Variants in DMD observed in about 807,000 individuals in gnomAD.
DMD encodes dystrophin.
DMD carries 63 observed loss-of-function variants against 330.1 expected under a neutral mutation model. That is an observed-to-expected ratio of 0.19 (90% CI 0.16 to 0.24). DMD has a LOEUF of 0.24. Ranked by LOEUF, DMD falls within the 10% of genes least tolerant of loss-of-function variation. The probability of loss-of-function intolerance (pLI) is 1.00; values close to 1 mark genes in which losing one functional copy is unlikely to be tolerated. For synonymous variants in DMD, 1,223 were observed against 959.8 expected, an observed-to-expected ratio of 1.27 and a Z score of -5.07; for missense variants, 3,344 against 2,684.1, an observed-to-expected ratio of 1.25 and a Z score of -5.43.
chrX:32,886,099 C>T (rs983983782), intron 2 of DMD, among the ~76,000 whole-genome samples: 1 of 111,278 alleles, frequency 9.0e-6, no homozygotes, highest in Non-Finnish European at 1.9e-5. Flanking sequence ...TCCCACATGG[C>T]AGCTTTCCTG....
chrX:32,922,376 G>C (rs1230078744), intron 2 of DMD, among the ~76,000 whole-genome samples: 1 of 111,443 alleles, frequency 9.0e-6, no homozygotes. Context: ...TTAAAATTAT[G>C]CTTTTATGTG....
chrX:32,828,622 C>CATATATACATATGTATACATCTATAT (rs1569530096), intron 4 of DMD, among the ~76,000 whole-genome samples: 254 of 107,606 alleles, frequency 2.4e-3, no homozygotes, highest in African/African-American at 8.2e-3. Context: ...TACATCTATA[C>CATATATACATATGTATACATCTATAT]ACATATATAC....
intron 7 of DMD, among the ~76,000 whole-genome samples, chrX:32,771,561 T>C (rs1293305573): frequency 9.0e-6 from 1 of 110,638 alleles, no homozygotes; most frequent in African/African-American, 3.4e-5. Flanking sequence ...AATACGGCTT[T>C]TTTCAAACTA....
chrX:31,720,583 A>G (rs778603043), intron 52 of DMD, among the ~76,000 whole-genome samples: 7 of 111,829 alleles, frequency 6.3e-5, no homozygotes, highest in Non-Finnish European at 1.1e-4. Flanking sequence ...AAAATTCTTT[A>G]ATATATTTAC....
At chrX:32,605,300 T>C (rs1438126975) in intron 12 of DMD, among the ~76,000 whole-genome samples, 2 of 110,349 alleles carry the variant, frequency 1.8e-5, no homozygotes, top group Non-Finnish European at 3.8e-5. Context: ...ATATATACAC[T>C]GGGGAAAGGA....
rs183819382 is a variant in DMD at position 32,463,588 on chromosome X, C to G, written c.3283G>C (p.Val1095Leu). Reference protein sequence around the residue: ...KKQLKQCRLLVSDIQTIQPSL... With the variant: ...KKQLKQCRLLLSDIQTIQPSL... ...GGCTGAATTGTCTGAATATCACTGA[C>G]TAAAAGCTAAGAAAATAAATCAATT... Residue 1095 changes from valine to leucine, a missense_variant, in exon 25 of 79, where the codon GTC becomes CTC. Val to Leu is a conservative substitution (Grantham distance 32, BLOSUM62 1). Coordinates refer to ENST00000357033, the MANE Select transcript of DMD (RefSeq NM_004006.3). 5.3e-6 allele frequency: 6 copies of G among 1,135,467 alleles called. No individual in the cohort carries two copies. In the South Asian group the frequency reaches 9.2e-5, roughly 17 times the overall value. 93.6% of individuals were successfully genotyped at this position (1,135,467 alleles called of 1,213,427 possible).
intron 62 of DMD, among the ~76,000 whole-genome samples, chrX:31,320,747 A>G (rs918025314): frequency 5.3e-5 from 6 of 112,236 alleles, no homozygotes; most frequent in Non-Finnish European, 1.1e-4. Flanking sequence ...CCTATATTAC[A>G]GTTTAACATT....
chrX:33,085,974 C>T (rs983744758), intron 1 of DMD: 1 of 111,725 alleles, frequency 9.0e-6, no homozygotes, highest in Non-Finnish European at 1.9e-5. Flanking sequence ...GTTATTAGTA[C>T]AAAGAGAAAA....
chrX:32,450,463 T>C (rs752537692), intron 26 of DMD, among the ~76,000 whole-genome samples: 25 of 111,254 alleles, frequency 2.2e-4, no homozygotes, highest in African/African-American at 7.8e-4. Flanking sequence ...TTTACACAAA[T>C]TGCATTTTGA....
At chrX:32,222,918 T>C (rs960013323) in intron 43 of DMD, among the ~76,000 whole-genome samples, 1 of 112,013 alleles carries the variant, frequency 8.9e-6, no homozygotes, top group Non-Finnish European at 1.9e-5. Context: ...TATTTACTTT[T>C]TAAATGCTTT....
chrX:32,907,041 TATG>T (rs2086783949), intron 2 of DMD, among the ~76,000 whole-genome samples: 2 of 112,382 alleles, frequency 1.8e-5, no homozygotes, highest in African/African-American at 6.5e-5. Context: ...GTTGAATGAC[TATG>T]ATATCATCCA....
intron 59 of DMD, among the ~76,000 whole-genome samples, chrX:31,475,513 C>T (rs1020939695): frequency 2.7e-5 from 3 of 112,199 alleles, no homozygotes; most frequent in African/African-American, 9.7e-5. Context: ...ATCTATTGAG[C>T]AATTTAATTG....
chrX:31,733,320 A>G (rs1022625826), intron 51 of DMD, among the ~76,000 whole-genome samples: 13 of 111,751 alleles, frequency 1.2e-4, no homozygotes, highest in Admixed American at 1.0e-3. Flanking sequence ...TGTATTCATT[A>G]AAATAGAATT....
At chrX:31,936,674 T>A (rs2094928339) in intron 45 of DMD, among the ~76,000 whole-genome samples, 2 of 111,553 alleles carry the variant, frequency 1.8e-5, no homozygotes, top group Admixed American at 1.9e-4. Context: ...AACAGTTTAT[T>A]TCTTTGATAT....
At chrX:31,249,065 G>T (rs964616018) in intron 63 of DMD, among the ~76,000 whole-genome samples, 1 of 111,493 alleles carries the variant, frequency 9.0e-6, no homozygotes, top group Non-Finnish European at 1.9e-5. Flanking sequence ...ATAACTAGAG[G>T]GTTTATGTTT....
chrX:32,967,751 T>C (rs911796886), intron 2 of DMD, among the ~76,000 whole-genome samples: 3 of 111,854 alleles, frequency 2.7e-5, no homozygotes, highest in Non-Finnish European at 5.6e-5. Flanking sequence ...TGACTCATCT[T>C]TTTTTCCTTC....
chrX:33,234,923 C>A (rs2052449980), intron 1 of DMD, among the ~76,000 whole-genome samples: 2 of 111,837 alleles, frequency 1.8e-5, no homozygotes. Flanking sequence ...GACAATTGTC[C>A]ATTTACTGGA....
chrX:32,403,334 C>T (rs934782429), intron 30 of DMD, among the ~76,000 whole-genome samples: 2 of 111,202 alleles, frequency 1.8e-5, no homozygotes, highest in Admixed American at 9.6e-5. Flanking sequence ...GTGGCTGTAG[C>T]GTGAAGTTAT....
intron 62 of DMD, among the ~76,000 whole-genome samples, chrX:31,285,747 C>T (rs1227859551): frequency 9.0e-6 from 1 of 111,255 alleles, no homozygotes; most frequent in Non-Finnish European, 1.9e-5. Flanking sequence ...ATATCATGAG[C>T]CTAGTTATGT....
Sources: allele counts gnomAD v4.1 joint callset (sites outside exome capture counted in the v4.1 genomes callset), GRCh38; gene constraint gnomAD v4.1.1; transcripts MANE v1.5; gene names NCBI Gene and HGNC (gene_info 2026-07-23, HGNC 2026-07-21).